NXPE2: variants seen among roughly 807,000 people sequenced by gnomAD.
NXPE2 encodes the protein NXPE family member 2.
NXPE2 carries 34 observed loss-of-function variants against 34.4 expected under a neutral mutation model. That is an observed-to-expected ratio of 0.99 (90% CI 0.75 to 1.31). NXPE2 has a LOEUF of 1.31. Among genes scored for constraint, NXPE2 ranks in the 40% most tolerant of loss-of-function variants. The pLI is 0.00. For synonymous variants in NXPE2, 235 were observed against 231.3 expected (o/e 1.02, Z -0.15); for missense variants, 649 against 672.5 (o/e 0.97, Z 0.39).
chr11:114,705,896 A>C lies in NXPE2; in HGVS notation c.1044A>C (p.Glu348Asp). 6.5e-7 allele frequency: 1 copy of C among 1,543,488 alleles called. No individual in the cohort carries two copies. Among genetic ancestry groups the C allele is most frequent in the Non-Finnish European group, 8.7e-7 (1 of 1,143,272 alleles). The change falls in exon 5 of 6, where the codon GAA becomes GAC. Residue 348 changes from glutamate (E) to aspartate (D), a missense_variant. Transcript: ENST00000389586. ...TAFCKQIKFN[E>D]TKNINDCLER... Reference sequence around the variant, plus strand: ...TTTGTAAACAGATCAAGTTCAATGAAACAAAAAATATAAATGACTGCTTGG... The same window carrying C: ...TTTGTAAACAGATCAAGTTCAATGACACAAAAAATATAAATGACTGCTTGG...
chr11:114,780,095 C>T, the NXPE2 span, among the ~76,000 whole-genome samples: 1 of 152,190 alleles, frequency 6.6e-6, no homozygotes, highest in Non-Finnish European at 1.5e-5. Flanking sequence ...GCCACCAGTC[C>T]AGAGTGTCAG....
chr11:114,663,539 G>T, the NXPE2 span, among the ~76,000 whole-genome samples: 2 of 151,832 alleles, frequency 1.3e-5, no homozygotes, highest in South Asian at 2.1e-4. Context: ...AGGTCACCAG[G>T]CCCCTTCACC....
At chr11:114,809,354 C>T in the NXPE2 span, among the ~76,000 whole-genome samples, 5 of 151,690 alleles carry the variant, frequency 3.3e-5, no homozygotes, top group African/African-American at 1.2e-4. Flanking sequence ...AGCAATCAGG[C>T]AGGAGAAGGA....
chr11:114,602,106 A>ACATATATTATAC, the NXPE2 span, among the ~76,000 whole-genome samples: 2 of 97,322 alleles, frequency 2.1e-5, no homozygotes, highest in African/African-American at 8.5e-5. Context: ...ATATATTATA[A>ACATATATTATAC]TATATATAAT....
the NXPE2 span, among the ~76,000 whole-genome samples, chr11:114,715,694 T>C: frequency 1.3e-5 from 2 of 152,214 alleles, no homozygotes; most frequent in East Asian, 3.8e-4. Context: ...ATAGTGAAAC[T>C]GTGGAAAAAT....
chr11:114,628,849 G>T, the NXPE2 span, among the ~76,000 whole-genome samples: 3 of 151,802 alleles, frequency 2.0e-5, no homozygotes, highest in Non-Finnish European at 4.4e-5. Flanking sequence ...TATCACCACC[G>T]ATCCCACAGA....
the NXPE2 span, among the ~76,000 whole-genome samples, chr11:114,540,028 G>A: frequency 6.6e-6 from 1 of 152,146 alleles, no homozygotes; most frequent in South Asian, 2.1e-4. Context: ...CCTCACATCA[G>A]TAAGTATTTC....
the NXPE2 span, among the ~76,000 whole-genome samples, chr11:114,539,827 G>A: frequency 6.6e-6 from 1 of 151,874 alleles, no homozygotes; most frequent in African/African-American, 2.4e-5. Flanking sequence ...TTTATTATAG[G>A]TTAATGGTAC....
At chr11:114,745,870 T>C in the NXPE2 span, among the ~76,000 whole-genome samples, 2 of 152,178 alleles carry the variant, frequency 1.3e-5, no homozygotes, top group East Asian at 3.9e-4. Context: ...GTAGGGACGA[T>C]GGAACAGCTA....
the NXPE2 span, chr11:114,581,736 G>A: frequency 2.5e-6 from 4 of 1,611,838 alleles, no homozygotes; most frequent in Admixed American, 6.7e-5. Flanking sequence ...GTTGCATTTG[G>A]AGACACTAAT....
the NXPE2 span, chr11:114,571,365 A>G: frequency 6.1e-4 from 988 of 1,614,026 alleles, 15 homozygotes; most frequent in African/African-American, 0.012. Flanking sequence ...CATTGATCCT[A>G]TCAAGGGATA....
the NXPE2 span, among the ~76,000 whole-genome samples, chr11:114,793,489 A>G: frequency 1.3e-5 from 2 of 152,198 alleles, no homozygotes; most frequent in Non-Finnish European, 2.9e-5. Flanking sequence ...GACTGTAGAT[A>G]TGATAGAAAA....
chr11:114,762,742 C>G, the NXPE2 span, among the ~76,000 whole-genome samples: 1 of 152,102 alleles, frequency 6.6e-6, no homozygotes, highest in African/African-American at 2.4e-5. Flanking sequence ...CCTTCTCAGG[C>G]CTTCTGAGGT....
chr11:114,703,412 T>G (rs1951403364), intron 3 of NXPE2, among the ~76,000 whole-genome samples: 1 of 152,216 alleles, frequency 6.6e-6, no homozygotes, highest in South Asian at 2.1e-4. Context: ...GCCCAAGAGC[T>G]TGTTATTATA....
chr11:114,601,718 T>TATAATTA, the NXPE2 span, among the ~76,000 whole-genome samples: 3 of 68,402 alleles, frequency 4.4e-5, no homozygotes, highest in Non-Finnish European at 7.5e-5. Context: ...ATATTATATA[T>TATAATTA]TATAATTATA....
chr11:114,683,039 C>A (rs977992902), intron 2 of NXPE2, among the ~76,000 whole-genome samples: 1 of 151,980 alleles, frequency 6.6e-6, no homozygotes, highest in African/African-American at 2.4e-5. Context: ...TTTCATTGTT[C>A]TAACCAATTC....
the NXPE2 span, among the ~76,000 whole-genome samples, chr11:114,807,677 C>G: frequency 1.3e-5 from 2 of 151,584 alleles, no homozygotes; most frequent in Admixed American, 1.3e-4. Context: ...TACAGGAGCA[C>G]CCAGATTCAT....
the NXPE2 span, among the ~76,000 whole-genome samples, chr11:114,796,927 T>A: frequency 6.6e-6 from 1 of 152,222 alleles, no homozygotes; most frequent in Non-Finnish European, 1.5e-5. Context: ...ATGGTGAGTC[T>A]GCAGGGGACT....
chr11:114,500,382 C>T, the NXPE2 span, among the ~76,000 whole-genome samples: 356 of 151,994 alleles, frequency 2.3e-3, 3 homozygotes, highest in Non-Finnish European at 3.2e-3. Flanking sequence ...CATCTTTTTG[C>T]GTACTTATTG....
Sources: gnomAD v4.1 joint callset for allele counts (sites outside exome capture counted in the v4.1 genomes callset) on GRCh38, gnomAD v4.1.1 for gene constraint, MANE v1.5 for transcripts, NCBI Gene and HGNC (gene_info 2026-07-23, HGNC 2026-07-21) for gene names.